Variants in GIPC3 observed in about 807,000 individuals in gnomAD.
GIPC3 encodes GIPC PDZ domain containing family member 3, also known as PDZ domain-containing protein GIPC3.
Under a neutral mutation model 27.3 loss-of-function variants are expected in GIPC3, and 16 were observed. The observed-to-expected ratio is 0.59, with a 90% CI of 0.40 to 0.89. The LOEUF (loss-of-function observed/expected upper bound fraction) is 0.89, where lower values mean the gene tolerates loss of function less well. Among genes scored for constraint, GIPC3 ranks in the 40% least tolerant of loss-of-function variants. The pLI, the probability that GIPC3 is intolerant of heterozygous loss-of-function variation, is 0.00. For missense variants in GIPC3, 440 were observed against 442.1 expected, an observed-to-expected ratio of 1.00 and a Z score of 0.04; for synonymous variants, 194 against 184.6, an observed-to-expected ratio of 1.05 and a Z score of -0.41.
Position 3,591,305 on chromosome 19 carries a change from C to T in GIPC3, c.*1115C>T. On this transcript the variant is annotated 3_prime_UTR_variant, in exon 6 of 6. Coordinates refer to ENST00000644452, the MANE Select transcript of GIPC3 (RefSeq NM_133261.3). ...CTGAGACGAAGCACATCTCTAGAATCCAGCTGAGCCCTGACAACAAGCCAA... is the reference window on the plus strand; with the variant it reads ...CTGAGACGAAGCACATCTCTAGAATTCAGCTGAGCCCTGACAACAAGCCAA... 8.1e-7 allele frequency: 1 copy of T among 1,232,482 alleles called. No individual in the cohort carries two copies. The highest frequency in any genetic ancestry group is 1.5e-5 in the African/African-American group (1 of 64,520). The allele number at this position is 1,232,482 out of a possible 1,614,324, so 76.3% of individuals were successfully genotyped here.
chr19:3,590,589 C>G lies in GIPC3; in HGVS notation c.*399C>G, dbSNP rs772101286. ...AACCCAGATGAGCTCTGAGACCATG[C>G]CCAGCTCTAGAACTCAGATGGGCTC... On this transcript the variant is annotated 3_prime_UTR_variant, in exon 6 of 6. Coordinates refer to ENST00000644452, the MANE Select transcript of GIPC3 (RefSeq NM_133261.3). The G allele has an allele frequency of 7.6e-7, 1 of 1,314,906 alleles. No individual in the cohort carries two copies. The allele number at this position is 1,314,906 out of a possible 1,614,324, so 81.5% of individuals were successfully genotyped here.
In GIPC3 at chr19:3,593,010, G is replaced by A. The variant is rs2032516279; in HGVS notation, c.*2820G>A. On this transcript the variant is annotated 3_prime_UTR_variant, in exon 6 of 6. Coordinates refer to ENST00000644452, the MANE Select transcript of GIPC3 (RefSeq NM_133261.3). ...GCCTCAGCCCCATGATCAGGTATGT[G>A]GCATCCAGGCCAGCCTTGGCCCCAT... 2.7e-6 allele frequency: 3 copies of A among 1,114,400 alleles called. No individual in the cohort carries two copies. The highest frequency in any genetic ancestry group is 5.6e-5 in the Admixed American group (1 of 17,706). 69.0% of individuals were successfully genotyped at this position (1,114,400 alleles called of 1,614,324 possible). A position where few individuals can be genotyped will look rare whatever the true frequency, so the allele number is the denominator to read the frequency against.
chr19:3,591,164 T>C lies in GIPC3; in HGVS notation c.*974T>C, dbSNP rs1182429268. The C allele has an allele frequency of 1.6e-6, 2 of 1,223,338 alleles. No homozygotes were observed. Among genetic ancestry groups the C allele is most frequent in the Non-Finnish European group, 2.0e-6 (2 of 985,428 alleles). 75.8% of individuals were successfully genotyped at this position (1,223,338 alleles called of 1,614,324 possible). On this transcript the variant is annotated 3_prime_UTR_variant, in exon 6 of 6. Coordinates refer to ENST00000644452, the MANE Select transcript of GIPC3 (RefSeq NM_133261.3). ...GAACCCAGATAAGCTCTGAAACCAA[T>C]CCCAGCATTGAGACCAAGCCCTGTT...
At position 3,593,196 on chromosome 19, in the gene GIPC3, AGT is replaced by A. The variant is rs2032522643; in HGVS notation, c.*3007_*3008del. 4.9e-6 allele frequency: 6 copies of A among 1,232,152 alleles called. No homozygotes were observed. Among genetic ancestry groups the A allele is most frequent in the Non-Finnish European group, 6.1e-6 (6 of 988,112 alleles). 76.3% of individuals were successfully genotyped at this position (1,232,152 alleles called of 1,614,324 possible). A position where few individuals can be genotyped will look rare whatever the true frequency, so the allele number is the denominator to read the frequency against. ...TCCTGCCCCTAGGGCAGCCCTCCTG[AGT>A]TCCCAGCTGTCTGAGTCCCCAGCTT... On this transcript the variant is annotated 3_prime_UTR_variant, in exon 6 of 6. Transcript: ENST00000644452.
chr19:3,589,010 C>G (rs1178177656), intron 3 of GIPC3, among the ~76,000 whole-genome samples: 2 of 151,712 alleles, frequency 1.3e-5, no homozygotes, highest in Non-Finnish European at 2.9e-5. Context: ...GGCCAGCTCT[C>G]AGACCAAGCC....
chr19:3,587,911 G>T (rs907999760), intron 3 of GIPC3, among the ~76,000 whole-genome samples: 17 of 151,464 alleles, frequency 1.1e-4, no homozygotes, highest in African/African-American at 4.1e-4. Flanking sequence ...GGACGGTCTC[G>T]ATCTCCTGAC....
Position 3,586,590 on chromosome 19 carries a change from A to T in GIPC3, c.321A>T (p.Arg107=). 6.2e-7 allele frequency: 1 copy of T among 1,612,782 alleles called. No homozygotes were observed. The highest frequency in any genetic ancestry group is 8.5e-7 in the Non-Finnish European group (1 of 1,179,570). Reference sequence around the variant, plus strand: ...AGGACTTCATCTTTGCCCACGTGCGAGGCGAGACCAAGGAGGTGGAGGTCA... The same window carrying T: ...AGGACTTCATCTTTGCCCACGTGCGTGGCGAGACCAAGGAGGTGGAGGTCA... ...GLEDFIFAHV[R]GETKEVEVTK... is the part of the protein sequence containing the mutation. The change falls in exon 2 of 6, where the codon CGA becomes CGT. Residue 107 remains arginine, a synonymous_variant. Transcript: ENST00000644452.
At chr19:3,589,364 C>A (rs570315484) in intron 3 of GIPC3, 79 bp from the exon 4 acceptor site, 1 of 1,007,574 alleles carries the variant, frequency 9.9e-7, no homozygotes, top group Non-Finnish European at 1.6e-6. Context: ...TAGAAAGGCT[C>A]GGCTGTTGGC....
At chr19:3,589,579 C>T (rs2032442148) in intron 4 of GIPC3, 24 bp downstream of exon 4, 2 of 1,578,190 alleles carry the variant, frequency 1.3e-6, no homozygotes, top group African/African-American at 1.3e-5. Flanking sequence ...AGGGGCTCTC[C>T]CCAGGCTTCT....
In GIPC3 at chr19:3,592,296, C is replaced by T. The variant is rs2032500491; in HGVS notation, c.*2106C>T. On this transcript the variant is annotated 3_prime_UTR_variant, in exon 6 of 6. Coordinates refer to ENST00000644452, the MANE Select transcript of GIPC3 (RefSeq NM_133261.3). ...CACAGCCCCAGACAGCTCTGGTATT[C>T]AACTGGACTTTGGGAAGCAGAGCAG... 8.1e-7 allele frequency: 1 copy of T among 1,232,140 alleles called. No individual in the cohort carries two copies. Among genetic ancestry groups the T allele is most frequent in the Non-Finnish European group, 1.0e-6 (1 of 987,992 alleles). 76.3% of individuals were successfully genotyped at this position (1,232,140 alleles called of 1,614,324 possible). A position where few individuals can be genotyped will look rare whatever the true frequency, so the allele number is the denominator to read the frequency against.
Position 3,586,884 on chromosome 19 carries a change from A to C in GIPC3, c.482A>C (p.Asn161Thr), listed in dbSNP as rs765787646. The C allele has an allele frequency of 6.2e-7, 1 of 1,613,456 alleles. No individual in the cohort carries two copies. Among genetic ancestry groups the C allele is most frequent in the Non-Finnish European group, 8.5e-7 (1 of 1,179,992 alleles). The change falls in exon 3 of 6, where the codon AAC (asparagine) becomes ACC (threonine). Residue 161 changes from asparagine to threonine, a missense_variant. Physicochemically the swap from Asn to Thr is moderately conservative, Grantham distance 65. Coordinates refer to ENST00000644452, the MANE Select transcript of GIPC3 (RefSeq NM_133261.3). ...GTGGGTGACAGCATCGAAGCCATCA[A>C]CGACCACTCCATTGTGGGCTGCCGC... ...VCVGDSIEAI[N>T]DHSIVGCRHY...
rs1382127911 is a variant in GIPC3 at position 3,590,198 on chromosome 19, T to C, written c.*8T>C. The C allele has an allele frequency of 1.9e-6, 3 of 1,584,718 alleles. No individual in the cohort carries two copies. Among genetic ancestry groups the C allele is most frequent in the Non-Finnish European group, 2.6e-6 (3 of 1,166,766 alleles). On this transcript the variant is annotated 3_prime_UTR_variant, in exon 6 of 6. Transcript: ENST00000644452. ...AGAGAGGCCTGTGGCTAGTTTGCCCTGGGGGGGCCCAGCACAGCCCCAGCC... is the reference window on the plus strand; with the variant it reads ...AGAGAGGCCTGTGGCTAGTTTGCCCCGGGGGGGCCCAGCACAGCCCCAGCC...
In GIPC3 at chr19:3,590,526, A is replaced by G. The variant is rs2032467812; in HGVS notation, c.*336A>G. 2 of 1,387,388 alleles carry G rather than the reference A, an allele frequency of 1.4e-6. No individual in the cohort carries two copies. The highest frequency in any genetic ancestry group is 1.9e-6 in the Non-Finnish European group (2 of 1,076,632). 85.9% of individuals were successfully genotyped at this position (1,387,388 alleles called of 1,614,324 possible). ...CAGCACTGAGACCAAGCCCTGTTCT[A>G]GAACTCAGGCCTGCTCTGAGGCCAA... On this transcript the variant is annotated 3_prime_UTR_variant, in exon 6 of 6. Transcript: ENST00000644452.
At chr19:3,585,943 A>G in intron 1 of GIPC3, 121 bp downstream of exon 1, 1 of 1,438,724 alleles carries the variant, frequency 7.0e-7, no homozygotes, top group Non-Finnish European at 9.2e-7. Context: ...TGGCCGCCTA[A>G]TCGCCGGATC....
chr19:3,591,976 C>T lies in GIPC3; in HGVS notation c.*1786C>T, dbSNP rs1432232144. On this transcript the variant is annotated 3_prime_UTR_variant, in exon 6 of 6. Transcript: ENST00000644452. ...GCTCAATCCAGCCCAAGCACCGCAC[C>T]CAGCTCTGGAACTCAGCTCAGTTCT... The T allele has an allele frequency of 1.3e-5, 16 of 1,232,060 alleles. No homozygotes were observed. Among genetic ancestry groups the T allele is most frequent in the African/African-American group, 3.1e-5 (2 of 64,420 alleles). 76.3% of individuals were successfully genotyped at this position (1,232,060 alleles called of 1,614,324 possible). A position where few individuals can be genotyped will look rare whatever the true frequency, so the allele number is the denominator to read the frequency against.
Position 3,592,498 on chromosome 19 carries a change from C to A in GIPC3, c.*2308C>A. On this transcript the variant is annotated 3_prime_UTR_variant, in exon 6 of 6. Coordinates refer to ENST00000644452, the MANE Select transcript of GIPC3 (RefSeq NM_133261.3). ...AACCAGCTCAGCTCCGGGACCCAGACCACTGCAAGAATTCAGCTCAGCCCT... is the reference window on the plus strand; with the variant it reads ...AACCAGCTCAGCTCCGGGACCCAGAACACTGCAAGAATTCAGCTCAGCCCT... 8.1e-7 allele frequency: 1 copy of A among 1,231,918 alleles called. No individual in the cohort carries two copies. The highest frequency in any genetic ancestry group is 1.0e-6 in the Non-Finnish European group (1 of 987,950). The allele number at this position is 1,231,918 out of a possible 1,614,324, so 76.3% of individuals were successfully genotyped here.
At position 3,586,862 on chromosome 19, in the gene GIPC3, G is replaced by C; in HGVS notation, c.460G>C (p.Gly154Arg). The C allele has an allele frequency of 6.2e-7, 1 of 1,613,602 alleles. No homozygotes were observed. Reference protein sequence around the residue: ...IINRIEAVCVGDSIEAINDHS... With the variant: ...IINRIEAVCVRDSIEAINDHS... ...CAACCGGATCGAGGCAGTGTGCGTG[G>C]GTGACAGCATCGAAGCCATCAACGA... The change falls in exon 3 of 6, where the codon GGT becomes CGT. Residue 154 changes from glycine (G) to arginine (R), a missense_variant. Gly to Arg is a moderately radical substitution (Grantham distance 125). Coordinates refer to ENST00000644452, the MANE Select transcript of GIPC3 (RefSeq NM_133261.3).
chr19:3,589,421 T>TC, intron 3 of GIPC3, 22 bp from the exon 4 acceptor site: 1 of 1,568,838 alleles, frequency 6.4e-7, no homozygotes, highest in South Asian at 1.1e-5. Context: ...CCCATGGCCA[T>TC]CCCTCACTCT....
At chr19:3,588,708 G>T (rs1856996112) in intron 3 of GIPC3, among the ~76,000 whole-genome samples, 1 of 151,398 alleles carries the variant, frequency 6.6e-6, no homozygotes, top group Non-Finnish European at 1.5e-5. Flanking sequence ...ACTTTGGAAG[G>T]CCAAGGCGGG....
Sources: allele counts gnomAD v4.1 joint callset (sites outside exome capture counted in the v4.1 genomes callset), GRCh38; gene constraint gnomAD v4.1.1; transcripts MANE v1.5; gene names NCBI Gene and HGNC (gene_info 2026-07-23, HGNC 2026-07-21).